The following FMOD variants were observed in gnomAD, a reference collection of about 807,000 sequenced individuals.
FMOD encodes the protein fibromodulin.
A neutral mutation model predicts 27.0 loss-of-function variants in FMOD; 15 were observed. The ratio of observed to expected loss-of-function variants is 0.55; its 90% CI spans 0.37 to 0.85. The LOEUF is 0.85. Ranked by LOEUF, FMOD falls within the 40% of genes least tolerant of loss-of-function variation. The pLI, the probability that FMOD is intolerant of heterozygous loss-of-function variation, is 0.00. For synonymous variants in FMOD, 210 were observed against 214.0 expected, an observed-to-expected ratio of 0.98 and a Z score of 0.16; for missense variants, 460 against 483.2, an observed-to-expected ratio of 0.95 and a Z score of 0.45.
intron 2 of FMOD, among the ~76,000 whole-genome samples, chr1:203,343,689 T>C (rs1188767048): frequency 1.3e-5 from 2 of 152,196 alleles, no homozygotes; most frequent in African/African-American, 4.8e-5. Flanking sequence ...TGCGTCAGTC[T>C]GGGGCCAGGC....
chr1:203,342,644 T>A, intron 2 of FMOD, 150 bp from the exon 3 acceptor site: 1 of 777,746 alleles, frequency 1.3e-6, no homozygotes, highest in Non-Finnish European at 2.1e-6. Context: ...GAGTCATACT[T>A]ACTGGCGCCA....
chr1:203,345,681 G>A (rs562166372), intron 2 of FMOD, among the ~76,000 whole-genome samples: 2 of 152,264 alleles, frequency 1.3e-5, no homozygotes, highest in African/African-American at 4.8e-5. Context: ...GGCAGATCAC[G>A]AGGTCAGGAG....
rs559441563 is a variant in FMOD, at chr1:203,347,425, G to A, written c.846C>T (p.Asn282=). 4 of 1,614,180 alleles carry A rather than the reference G, an allele frequency of 2.5e-6. No homozygotes were observed. In the Admixed American group the frequency reaches 5.0e-5, roughly 20 times the overall value. The change falls in exon 2 of 3, where the codon AAC becomes AAT. Residue 282 remains asparagine, a synonymous_variant. Transcript: ENST00000354955. The stretch of plus-strand genomic sequence containing the variant: ...TGAAGGTGTTGGAGGCCAGGCCATT[G>A]TTGGTTAGACTGTTGTGGGACAGCC... The part of the protein sequence containing the change: ...YVRLSHNSLT[N]NGLASNTFNS...
chr1:203,348,284 G>A lies in FMOD; in HGVS notation c.-7-7C>T, dbSNP rs1046546721. Reference sequence around the variant, plus strand: ...GGTCCACTGCATTTTGTCTCTGCAAGAAGCGGGAGAGAACAGAGCAAGCCA... The same window carrying A: ...GGTCCACTGCATTTTGTCTCTGCAAAAAGCGGGAGAGAACAGAGCAAGCCA... On this transcript the variant is annotated splice_polypyrimidine_tract_variant and splice_region_variant and intron_variant, in intron 1 of 2. Coordinates refer to ENST00000354955, the MANE Select transcript of FMOD (RefSeq NM_002023.5). 6.2e-7 allele frequency: 1 copy of A among 1,607,586 alleles called. No individual in the cohort carries two copies. The highest frequency in any genetic ancestry group is 8.5e-7 in the Non-Finnish European group (1 of 1,176,754).
Position 203,348,217 on chromosome 1 carries a change from G to A in FMOD, c.54C>T (p.Ala18=). 1.2e-6 allele frequency: 2 copies of A among 1,614,186 alleles called. No homozygotes were observed. The highest frequency in any genetic ancestry group is 1.7e-6 in the Non-Finnish European group (2 of 1,180,032). Residue 18 remains alanine (A), a synonymous_variant, in exon 2 of 3, where the codon GCC becomes GCT. Transcript: ENST00000354955. The part of the protein sequence containing the change: ...LLAGLFSLSQ[A]QYEDDPHWWF... ...ACCAATGAGGGTCATCTTCATACTGGGCCTGGGAGAGGGAGAAGAGCCCTG... is the reference window on the plus strand; with the variant it reads ...ACCAATGAGGGTCATCTTCATACTGAGCCTGGGAGAGGGAGAAGAGCCCTG...
chr1:203,342,581 C>T lies in FMOD; in HGVS notation c.980-87G>A, dbSNP rs1052529866. 4.9e-5 allele frequency: 69 copies of T among 1,398,880 alleles called. No individual in the cohort carries two copies. In the Admixed American group the frequency reaches 1.3e-3, roughly 27 times the overall value. The allele number at this position is 1,398,880 out of a possible 1,614,324, so 86.7% of individuals were successfully genotyped here. A position where few individuals can be genotyped will look rare whatever the true frequency, so the allele number is the denominator to read the frequency against. Reference sequence around the variant, plus strand: ...AGTGAGATTAGCCTTTGTGAAGCAGCTTAGATAAAGGGGTGGAAGTTGGGG... The same window carrying T: ...AGTGAGATTAGCCTTTGTGAAGCAGTTTAGATAAAGGGGTGGAAGTTGGGG... On this transcript the variant is annotated intron_variant, in intron 2 of 2. Coordinates refer to ENST00000354955, the MANE Select transcript of FMOD (RefSeq NM_002023.5).
At chr1:203,342,750 T>G (rs1658817809) in intron 2 of FMOD, among the ~76,000 whole-genome samples, 1 of 151,250 alleles carries the variant, frequency 6.6e-6, no homozygotes. Flanking sequence ...GGCCCAGGAA[T>G]GTTCTTAAGC....
In FMOD at chr1:203,347,469, G is replaced by A; in HGVS notation, c.802C>T (p.Pro268Ser). 6.2e-7 allele frequency: 1 copy of A among 1,614,186 alleles called. No individual in the cohort carries two copies. Among genetic ancestry groups the A allele is most frequent in the Non-Finnish European group, 8.5e-7 (1 of 1,180,040 alleles). ...TVPDSYFRGA[P>S]KLLYVRLSHN... ...GACAGCCGCACATACAGCAGCTTGG[G>A]CGCCCCCCGGAAGTAGCTATCGGGG... Residue 268 changes from proline to serine, a missense_variant, in exon 2 of 3, where the codon CCC becomes TCC. Pro to Ser is a moderately conservative substitution (Grantham distance 74). Coordinates refer to ENST00000354955, the MANE Select transcript of FMOD (RefSeq NM_002023.5).
chr1:203,343,682 G>A lies in FMOD; in HGVS notation c.980-1188C>T, dbSNP rs189739500. On this transcript the variant is annotated intron_variant, in intron 2 of 2. Transcript: ENST00000354955. ...GCTTGCAGCAGTGGTCAGGAGGTGC[G>A]TCAGTCTGGGGCCAGGCACGAGGAG... 1.4e-3 allele frequency among the ~76,000 whole-genome samples: 218 copies of A among 152,320 alleles called. 1 individual carries two copies. Among genetic ancestry groups the A allele is most frequent in the Non-Finnish European group, 2.3e-3 (158 of 68,026 alleles).
Position 203,347,183 on chromosome 1 carries a change from T to A in FMOD, c.979+109A>T, listed in dbSNP as rs917725345. On this transcript the variant is annotated intron_variant, in intron 2 of 2. Coordinates refer to ENST00000354955, the MANE Select transcript of FMOD (RefSeq NM_002023.5). ...GGTTGTCAGGTTGCTTCATTTGTGC[T>A]GTCTGGTTCCCCTATTTCTATTTCT... The A allele has an allele frequency of 9.6e-6, 13 of 1,351,406 alleles. No homozygotes were observed. The African/African-American group carries it at 1.5e-4, about 15-fold the overall frequency. The allele number at this position is 1,351,406 out of a possible 1,614,324, so 83.7% of individuals were successfully genotyped here.
intron 2 of FMOD, 141 bp from the exon 3 acceptor site, chr1:203,342,635 A>C: frequency 1.2e-6 from 1 of 831,836 alleles, no homozygotes; most frequent in East Asian, 2.7e-5. Context: ...CCAGGATTGG[A>C]GTCATACTTA....
intron 1 of FMOD, among the ~76,000 whole-genome samples, chr1:203,349,487 G>A (rs1015718776): frequency 2.6e-5 from 4 of 152,210 alleles, no homozygotes; most frequent in Non-Finnish European, 4.4e-5. Flanking sequence ...TGGAAGGTAA[G>A]AGACTAGGGG....
chr1:203,345,967 AAG>A (rs954821951), intron 2 of FMOD, among the ~76,000 whole-genome samples: 1 of 151,784 alleles, frequency 6.6e-6, no homozygotes, highest in African/African-American at 2.4e-5. Context: ...ACCCCAAAGA[AAG>A]AGAGATTTTA....
intron 2 of FMOD, among the ~76,000 whole-genome samples, chr1:203,345,814 C>T (rs1189028894): frequency 2.7e-5 from 4 of 149,918 alleles, no homozygotes; most frequent in East Asian, 2.0e-4. Flanking sequence ...AGGAGAATGG[C>T]GTGAACCCAG....
intron 2 of FMOD, among the ~76,000 whole-genome samples, chr1:203,346,399 G>A (rs919373559): frequency 6.6e-6 from 1 of 151,686 alleles, no homozygotes; most frequent in Non-Finnish European, 1.5e-5. Context: ...GGTAATGTAA[G>A]CATGTTCTGA....
At chr1:203,345,714 C>A (rs1014934402) in intron 2 of FMOD, among the ~76,000 whole-genome samples, 1 of 152,010 alleles carries the variant, frequency 6.6e-6, no homozygotes, top group Non-Finnish European at 1.5e-5. Context: ...CTGGCTAACA[C>A]GGTGAAACCC....
At position 203,342,186 on chromosome 1, in the gene FMOD, C is replaced by T. The variant is rs548602984; in HGVS notation, c.*157G>A. On this transcript the variant is annotated 3_prime_UTR_variant, in exon 3 of 3. Coordinates refer to ENST00000354955, the MANE Select transcript of FMOD (RefSeq NM_002023.5). ...CAGCAGAAGGCTGCCTGTCCCTGAT[C>T]GCCCCCCCTAACCCCACCTACAGGA... is the stretch of plus-strand genomic sequence containing the variant. 8.4e-6 allele frequency: 7 copies of T among 829,494 alleles called. No homozygotes were observed. Among genetic ancestry groups the T allele is most frequent in the Admixed American group, 6.2e-5 (2 of 32,174 alleles). The allele number at this position is 829,494 out of a possible 1,614,324, so 51.4% of individuals were successfully genotyped here.
chr1:203,343,735 T>G (rs1465706021), intron 2 of FMOD, among the ~76,000 whole-genome samples: 3 of 152,156 alleles, frequency 2.0e-5, no homozygotes, highest in African/African-American at 7.2e-5. Context: ...TTTCTAACTC[T>G]ATTCTTAGGT....
chr1:203,342,864 G>C (rs1173869008), intron 2 of FMOD, among the ~76,000 whole-genome samples: 1 of 152,080 alleles, frequency 6.6e-6, no homozygotes, highest in Admixed American at 6.5e-5. Context: ...ACCAACCGTA[G>C]ACACCTTGAA....
Sources: gnomAD v4.1 joint callset for allele counts (sites outside exome capture counted in the v4.1 genomes callset) on GRCh38, gnomAD v4.1.1 for gene constraint, MANE v1.5 for transcripts, NCBI Gene and HGNC (gene_info 2026-07-23, HGNC 2026-07-21) for gene names.